Variants in MYO10 observed in about 807,000 individuals in gnomAD.
MYO10 encodes unconventional myosin-X.
A neutral mutation model predicts 257.3 loss-of-function variants in MYO10; 133 were observed. That is an observed-to-expected ratio of 0.52 (90% CI 0.45 to 0.60). The LOEUF is 0.60. Among genes scored for constraint, MYO10 ranks in the 20% least tolerant of loss-of-function variants. The pLI, the probability that MYO10 is intolerant of heterozygous loss-of-function variation, is 0.00. For synonymous variants in MYO10, 1,104 were observed against 1,028.6 expected, an observed-to-expected ratio of 1.07 and a Z score of -1.40; for missense variants, 2,399 against 2,635.7, an observed-to-expected ratio of 0.91 and a Z score of 1.97.
At chr5:16,786,439 C>T (rs1455672533) in intron 4 of MYO10, among the ~76,000 whole-genome samples, 3 of 152,186 alleles carry the variant, frequency 2.0e-5, no homozygotes, top group African/African-American at 4.8e-5. Context: ...ATGCTGGGGA[C>T]GAGAAGTGTT....
In MYO10 at chr5:16,666,828, C is replaced by T. The variant is rs371376402; in HGVS notation, c.6076-35G>A. 4.3e-5 allele frequency: 66 copies of T among 1,527,058 alleles called. No individual in the cohort carries two copies. In the African/African-American group the frequency reaches 8.0e-4, roughly 19 times the overall value. The allele number at this position is 1,527,058 out of a possible 1,614,324, so 94.6% of individuals were successfully genotyped here. On this transcript the variant is annotated intron_variant, in intron 40 of 40. Coordinates refer to ENST00000513610, the MANE Select transcript of MYO10 (RefSeq NM_012334.3). ...GGGAAGCAGAACCGACACAGCGTCA[C>T]AAGTCTCCCCCAGGCAAAGGGCCCT...
chr5:16,787,888 C>A (rs1488100934), intron 4 of MYO10, among the ~76,000 whole-genome samples: 1 of 152,084 alleles, frequency 6.6e-6, no homozygotes, highest in Non-Finnish European at 1.5e-5. Flanking sequence ...ACCACCACCT[C>A]CCCAGGTTCA....
chr5:16,682,428 A>G (rs2126499962), intron 30 of MYO10, among the ~76,000 whole-genome samples: 1 of 152,302 alleles, frequency 6.6e-6, no homozygotes, highest in Middle Eastern at 3.4e-3. Flanking sequence ...GGATCAGTAA[A>G]TAGGTGTAGG....
chr5:16,698,839 GGT>G (rs1305547542), intron 26 of MYO10, among the ~76,000 whole-genome samples: 2 of 144,082 alleles, frequency 1.4e-5, no homozygotes, highest in African/African-American at 2.9e-5. Flanking sequence ...TAGCCAGGAT[GGT>G]CTCGATCTCC....
At chr5:16,741,477 AAAC>A (rs1231734771) in intron 19 of MYO10, among the ~76,000 whole-genome samples, 3 of 152,254 alleles carry the variant, frequency 2.0e-5, no homozygotes, top group Admixed American at 1.3e-4. Context: ...GAAAAAATTC[AAAC>A]AAAAGAAACC....
At position 16,923,509 on chromosome 5, in the gene MYO10, G is replaced by A. The variant is rs183316527; in HGVS notation, c.21+12279C>T. Reference sequence around the variant, plus strand: ...TCACTGTGTTAGCCAGGATGGTCTCGATCTCCTGACCTCGTGATCCACCCG... The same window carrying A: ...TCACTGTGTTAGCCAGGATGGTCTCAATCTCCTGACCTCGTGATCCACCCG... On this transcript the variant is annotated intron_variant, in intron 1 of 40. Transcript: ENST00000513610. 8.4e-4 allele frequency among the ~76,000 whole-genome samples: 127 copies of A among 151,408 alleles called. 1 individual carries two copies. Among genetic ancestry groups the A allele is most frequent in the African/African-American group, 2.6e-3 (106 of 41,256 alleles).
At chr5:16,850,377 G>T (rs555572852) in intron 2 of MYO10, among the ~76,000 whole-genome samples, 1 of 151,652 alleles carries the variant, frequency 6.6e-6, no homozygotes, top group African/African-American at 2.4e-5. Flanking sequence ...GGGTTCAAGC[G>T]ATTGATTCTT....
chr5:16,858,380 A>G (rs908345668), intron 2 of MYO10, among the ~76,000 whole-genome samples: 2 of 151,730 alleles, frequency 1.3e-5, no homozygotes, highest in African/African-American at 4.9e-5. Context: ...CTGTGTTGAT[A>G]ACATCTGTCA....
chr5:16,931,265 C>T lies in MYO10; in HGVS notation c.21+4523G>A, dbSNP rs184660034. ...CAGCCTGGGCAACAAGAGCAAAATT[C>T]CATCTCAAAACAATAATAATAATAA... On this transcript the variant is annotated intron_variant, in intron 1 of 40. Transcript: ENST00000513610. 1.7e-4 allele frequency among the ~76,000 whole-genome samples: 26 copies of T among 152,098 alleles called. No homozygotes were observed. The East Asian group carries it at 4.4e-3, about 26-fold the overall frequency.
chr5:16,763,318 T>G (rs572792302), intron 14 of MYO10, among the ~76,000 whole-genome samples, 163 bp downstream of exon 14: 13 of 152,338 alleles, frequency 8.5e-5, no homozygotes, highest in Non-Finnish European at 1.3e-4. Flanking sequence ...AGTATTTAAA[T>G]TCAACCTTGC....
intron 19 of MYO10, among the ~76,000 whole-genome samples, chr5:16,749,878 G>A (rs368517281): frequency 6.6e-6 from 1 of 152,194 alleles, no homozygotes; most frequent in Non-Finnish European, 1.5e-5. Flanking sequence ...CCTCCTCGGG[G>A]CTTTTCTGAA....
At chr5:16,762,216 T>A (rs1740737096) in intron 15 of MYO10, 103 bp from the exon 16 acceptor site, 3 of 1,370,222 alleles carry the variant, frequency 2.2e-6, no homozygotes, top group Non-Finnish European at 2.9e-6. Flanking sequence ...ACAGTGAAAA[T>A]CATTTCCAAA....
intron 21 of MYO10, 58 bp downstream of exon 21, chr5:16,710,850 G>T: frequency 7.0e-7 from 1 of 1,433,870 alleles, no homozygotes; most frequent in Non-Finnish European, 9.7e-7. Context: ...AACCCTGTGA[G>T]CATCACCCCG....
At chr5:16,856,851 T>C (rs1214317072) in intron 2 of MYO10, among the ~76,000 whole-genome samples, 1 of 152,202 alleles carries the variant, frequency 6.6e-6, no homozygotes, top group Non-Finnish European at 1.5e-5. Flanking sequence ...TCTGGCCATC[T>C]TTCTGGTTCC....
chr5:16,761,040 G>T (rs180812375), intron 17 of MYO10, among the ~76,000 whole-genome samples: 1 of 151,718 alleles, frequency 6.6e-6, no homozygotes, highest in Non-Finnish European at 1.5e-5. Flanking sequence ...ACCCAGGCTG[G>T]ACTGCAATGG....
intron 1 of MYO10, among the ~76,000 whole-genome samples, chr5:16,919,514 C>T (rs1319969017): frequency 6.6e-6 from 1 of 152,192 alleles, no homozygotes; most frequent in Non-Finnish European, 1.5e-5. Context: ...GAGCAGACTA[C>T]CTCCCTTCTC....
chr5:16,914,234 A>C (rs1745750418), intron 1 of MYO10, among the ~76,000 whole-genome samples: 1 of 152,218 alleles, frequency 6.6e-6, no homozygotes, highest in Non-Finnish European at 1.5e-5. Flanking sequence ...GGCTTGGCTG[A>C]GTGCCCACTG....
At chr5:16,906,843 GGCTCAC>G (rs1324335216) in intron 1 of MYO10, among the ~76,000 whole-genome samples, 7 of 152,302 alleles carry the variant, frequency 4.6e-5, no homozygotes, top group African/African-American at 1.7e-4. Flanking sequence ...CAGGCACGGT[GGCTCAC>G]GCCTGTAATC....
At chr5:16,853,519 T>A (rs1743873230) in intron 2 of MYO10, among the ~76,000 whole-genome samples, 1 of 152,228 alleles carries the variant, frequency 6.6e-6, no homozygotes, top group Non-Finnish European at 1.5e-5. Context: ...TCCTTTTGAA[T>A]GCAAGGAAAT....
Sources: allele counts gnomAD v4.1 joint callset (sites outside exome capture counted in the v4.1 genomes callset), GRCh38; gene constraint gnomAD v4.1.1; transcripts MANE v1.5; gene names NCBI Gene and HGNC (gene_info 2026-07-23, HGNC 2026-07-21).